The following ITGB5 variants were observed in gnomAD, a reference collection of about 807,000 sequenced individuals.
ITGB5 encodes integrin beta-5.
Under a neutral mutation model 84.8 loss-of-function variants are expected in ITGB5, and 38 were observed. The ratio of observed to expected loss-of-function variants is 0.45; its 90% CI spans 0.35 to 0.59. ITGB5 has a LOEUF of 0.59. Ranked by LOEUF, ITGB5 falls within the 20% of genes least tolerant of loss-of-function variation. ITGB5 has a pLI of 0.01. For missense variants in ITGB5, 905 were observed against 1,034.5 expected (o/e 0.87, Z 1.72); for synonymous variants, 393 against 414.4 (o/e 0.95, Z 0.63).
At chr3:124,827,856 TC>T (rs2064804908) in intron 5 of ITGB5, among the ~76,000 whole-genome samples, 1 of 152,148 alleles carries the variant, frequency 6.6e-6, no homozygotes, top group African/African-American at 2.4e-5. Context: ...TTCCTTCTCC[TC>T]GCTCATCCTG....
At chr3:124,811,328 T>C (rs1327770517) in intron 8 of ITGB5, among the ~76,000 whole-genome samples, 1 of 152,204 alleles carries the variant, frequency 6.6e-6, no homozygotes, top group East Asian at 1.9e-4. Context: ...ATTTAACAGC[T>C]ATGCTAAGGT....
chr3:124,885,625 T>C (rs1210982187), intron 1 of ITGB5, among the ~76,000 whole-genome samples: 1 of 152,238 alleles, frequency 6.6e-6, no homozygotes, highest in African/African-American at 2.4e-5. Context: ...TACATTCCTG[T>C]GTGATGCAGG....
intron 2 of ITGB5, among the ~76,000 whole-genome samples, chr3:124,871,704 G>A (rs1373113045): frequency 2.0e-5 from 3 of 151,986 alleles, no homozygotes; most frequent in Admixed American, 1.3e-4. Context: ...GCCCACACCT[G>A]TAGTCCCAGC....
chr3:124,808,233 T>C (rs1475885924), intron 9 of ITGB5, among the ~76,000 whole-genome samples: 1 of 152,200 alleles, frequency 6.6e-6, no homozygotes, highest in African/African-American at 2.4e-5. Context: ...TTTTTTTGTT[T>C]CTAACTAGAT....
chr3:124,837,201 T>G (rs2064947159), intron 5 of ITGB5, among the ~76,000 whole-genome samples: 1 of 152,226 alleles, frequency 6.6e-6, no homozygotes, highest in Non-Finnish European at 1.5e-5. Context: ...CTGTCCTCCC[T>G]AGGCCAAGGG....
intron 8 of ITGB5, among the ~76,000 whole-genome samples, chr3:124,813,740 A>G (rs2064541603): frequency 6.6e-6 from 1 of 152,152 alleles, no homozygotes; most frequent in Admixed American, 6.5e-5. Context: ...CAGCTTTCCC[A>G]AGGCCCTCCA....
At chr3:124,882,092 GATGC>G (rs1041670376) in intron 1 of ITGB5, among the ~76,000 whole-genome samples, 4 of 152,132 alleles carry the variant, frequency 2.6e-5, no homozygotes, top group African/African-American at 7.2e-5. Flanking sequence ...TTGAGGACGG[GATGC>G]ATCGCCCTCT....
In ITGB5 at chr3:124,797,097, C is replaced by T. The variant is rs541286412; in HGVS notation, c.1264-280G>A. 3.3e-5 allele frequency among the ~76,000 whole-genome samples: 5 copies of T among 152,270 alleles called. No individual in the cohort carries two copies. The South Asian group carries it at 1.0e-3, about 32-fold the overall frequency. On this transcript the variant is annotated intron_variant, in intron 9 of 14. Coordinates refer to ENST00000296181, the MANE Select transcript of ITGB5 (RefSeq NM_002213.5). ...CCCATGACCCTGAGGAAATGGGCCC[C>T]TGCGGAAAGCTATAGGGCTTCCTTG...
intron 1 of ITGB5, among the ~76,000 whole-genome samples, chr3:124,881,947 A>T (rs9812212): frequency 6.6e-6 from 1 of 151,982 alleles, no homozygotes; most frequent in South Asian, 2.1e-4. Context: ...CAGCCTGGGC[A>T]ACAGAGTGAG....
intron 5 of ITGB5, among the ~76,000 whole-genome samples, chr3:124,835,485 A>G (rs568292460): frequency 1.3e-5 from 2 of 152,356 alleles, no homozygotes; most frequent in African/African-American, 4.8e-5. Context: ...CAATACTTTA[A>G]TGGTGCTTCC....
At chr3:124,900,123 A>C (rs1935188484) in intron 1 of ITGB5, among the ~76,000 whole-genome samples, 1 of 152,154 alleles carries the variant, frequency 6.6e-6, no homozygotes, top group Non-Finnish European at 1.5e-5. Context: ...AATATATGTC[A>C]CATTGTTCCT....
chr3:124,851,825 C>G (rs977155168), intron 3 of ITGB5, among the ~76,000 whole-genome samples: 2 of 152,138 alleles, frequency 1.3e-5, no homozygotes, highest in African/African-American at 4.8e-5. Context: ...GTGGCAATGA[C>G]AGAATGTTCT....
At chr3:124,769,321 TGGCATGTCTTGTCTACATGTCA>T in intron 11 of ITGB5, 2 of 543,404 alleles carry the variant, frequency 3.7e-6, no homozygotes, top group East Asian at 3.1e-5. Flanking sequence ...GTGAGTTTAG[TGGCATGTCTTGTCTACATGTCA>T]GGTTGCAGAC....
intron 10 of ITGB5, among the ~76,000 whole-genome samples, chr3:124,793,530 A>G (rs1002106729): frequency 1.3e-5 from 2 of 152,206 alleles, no homozygotes; most frequent in Non-Finnish European, 2.9e-5. Flanking sequence ...GCCCCCCCAG[A>G]GGGGTGTGGC....
At chr3:124,804,963 G>A (rs925786295) in intron 9 of ITGB5, among the ~76,000 whole-genome samples, 1 of 151,598 alleles carries the variant, frequency 6.6e-6, no homozygotes, top group Admixed American at 6.6e-5. Context: ...CACCGTGCCC[G>A]CCTTTCTTTC....
At chr3:124,811,677 C>A (rs573231810) in intron 8 of ITGB5, among the ~76,000 whole-genome samples, 4 of 152,346 alleles carry the variant, frequency 2.6e-5, no homozygotes, top group Middle Eastern at 6.8e-3. Flanking sequence ...ATGTTCTACT[C>A]AGGCCATAAG....
At chr3:124,834,031 C>T (rs1338360689) in intron 5 of ITGB5, among the ~76,000 whole-genome samples, 1 of 152,106 alleles carries the variant, frequency 6.6e-6, no homozygotes, top group Non-Finnish European at 1.5e-5. Flanking sequence ...CACAAACAGG[C>T]ACAGGTTAGA....
chr3:124,808,480 C>A (rs16836045), intron 9 of ITGB5, among the ~76,000 whole-genome samples: 3,784 of 152,306 alleles, frequency 0.025, 179 homozygotes, highest in African/African-American at 0.086. Context: ...CTTGGTTTAG[C>A]GCAGAGGCAC....
intron 3 of ITGB5, 134 bp downstream of exon 3, chr3:124,859,108 C>T: frequency 1.3e-6 from 1 of 789,526 alleles, no homozygotes; most frequent in Non-Finnish European, 2.1e-6. Flanking sequence ...AGGTCTGAGC[C>T]TTGCCTCCCC....
Sources: allele counts gnomAD v4.1 joint callset (sites outside exome capture counted in the v4.1 genomes callset), GRCh38; gene constraint gnomAD v4.1.1; transcripts MANE v1.5; gene names NCBI Gene and HGNC (gene_info 2026-07-23, HGNC 2026-07-21).